Variants in ARL15 observed in about 807,000 individuals in gnomAD.
The protein encoded by ARL15 is ARF like GTPase 15.
A neutral mutation model predicts 25.2 loss-of-function variants in ARL15; 19 were observed. The ratio of observed to expected loss-of-function variants is 0.75; its 90% confidence interval spans 0.53 to 1.10. The LOEUF is 1.10. Among genes scored for constraint, ARL15 ranks in the 50% least tolerant of loss-of-function variants. ARL15 has a pLI of 0.00. For missense variants in ARL15, 220 were observed against 246.0 expected (o/e 0.89, Z 0.71); for synonymous variants, 94 against 86.8 (o/e 1.08, Z -0.46).
At position 54,005,486 on chromosome 5, in the gene ARL15, C is replaced by T. The variant is rs1249924857; in HGVS notation, c.462+107716G>A. On this transcript the variant is annotated intron_variant, in intron 4 of 4. Transcript: ENST00000504924. ...TCTGTAATCCCAGCACTTTGGGAGG[C>T]CAAGGCGGGTGGATCACCTGAGGTC... Among the ~76,000 whole-genome samples, 3 of 152,084 alleles carry T rather than the reference C, an allele frequency of 2.0e-5. No individual in the cohort carries two copies. In the East Asian group the frequency reaches 5.8e-4, roughly 29 times the overall value.
At chr5:53,963,888 T>C (rs1201247455) in intron 4 of ARL15, among the ~76,000 whole-genome samples, 1 of 151,862 alleles carries the variant, frequency 6.6e-6, no homozygotes, top group Admixed American at 6.6e-5. Flanking sequence ...TCTTTGATAA[T>C]TGATTGCCAC....
chr5:53,924,748 G>T (rs1429718884), intron 4 of ARL15, among the ~76,000 whole-genome samples: 1 of 152,198 alleles, frequency 6.6e-6, no homozygotes, highest in African/African-American at 2.4e-5. Flanking sequence ...GGTGCACAGG[G>T]ACTTTGGTTC....
At chr5:54,144,290 C>T (rs549064147) in intron 3 of ARL15, among the ~76,000 whole-genome samples, 2 of 152,014 alleles carry the variant, frequency 1.3e-5, no homozygotes, top group East Asian at 3.9e-4. Flanking sequence ...AAGAGAATTA[C>T]AGGGATGCTA....
chr5:53,964,511 C>G (rs755789999), intron 4 of ARL15, among the ~76,000 whole-genome samples: 18 of 152,104 alleles, frequency 1.2e-4, no homozygotes, highest in Non-Finnish European at 2.9e-5. Context: ...AGGCGCCCAC[C>G]ACCATGCCTG....
chr5:54,147,175 T>G (rs1054010785), intron 3 of ARL15, among the ~76,000 whole-genome samples: 2 of 152,176 alleles, frequency 1.3e-5, no homozygotes, highest in African/African-American at 4.8e-5. Flanking sequence ...AGCCAGGAGT[T>G]AACTGGCTGT....
chr5:53,891,905 C>T (rs1201325181), intron 4 of ARL15, among the ~76,000 whole-genome samples: 2 of 152,196 alleles, frequency 1.3e-5, no homozygotes, highest in Admixed American at 1.3e-4. Context: ...GACGGGGCTC[C>T]ACTGAAGACA....
intron 4 of ARL15, among the ~76,000 whole-genome samples, chr5:54,057,208 A>G (rs1750905246): frequency 6.6e-6 from 1 of 152,208 alleles, no homozygotes; most frequent in African/African-American, 2.4e-5. Context: ...AGATGTTTAT[A>G]AAATTAATCA....
chr5:53,947,175 TG>T (rs1561160950), intron 4 of ARL15, among the ~76,000 whole-genome samples: 1 of 63,484 alleles, frequency 1.6e-5, no homozygotes, highest in Non-Finnish European at 3.1e-5. Flanking sequence ...AGGGTGTGTG[TG>T]TGTGTGTGTG....
In ARL15 at chr5:54,071,109, G is replaced by A. The variant is rs557308664; in HGVS notation, c.462+42093C>T. Among the ~76,000 whole-genome samples, 52 of 151,818 alleles carry A rather than the reference G, an allele frequency of 3.4e-4. No homozygotes were observed. The South Asian group carries it at 0.011, about 31-fold the overall frequency. On this transcript the variant is annotated intron_variant, in intron 4 of 4. Coordinates refer to ENST00000504924, the MANE Select transcript of ARL15 (RefSeq NM_019087.3). ...CTCTTGAGGCAGGGAGGTCAGGGCT[G>A]CAGTGAGCCATGTTCGTGCCGCTGC... is the stretch of plus-strand genomic sequence containing the variant.
chr5:54,233,881 AC>A (rs1756735589), intron 1 of ARL15, among the ~76,000 whole-genome samples: 2 of 152,214 alleles, frequency 1.3e-5, no homozygotes, highest in Non-Finnish European at 2.9e-5. Context: ...CCCTCTATTA[AC>A]CCAGACATTA....
intron 4 of ARL15, among the ~76,000 whole-genome samples, chr5:54,018,441 A>C (rs980559416): frequency 2.0e-5 from 3 of 152,234 alleles, no homozygotes; most frequent in Non-Finnish European, 4.4e-5. Flanking sequence ...TTCTTCAGTC[A>C]GACTTAAGCC....
At chr5:54,281,059 A>G (rs561235401) in intron 1 of ARL15, among the ~76,000 whole-genome samples, 1 of 152,338 alleles carries the variant, frequency 6.6e-6, no homozygotes, top group African/African-American at 2.4e-5. Context: ...AAAAGTATAT[A>G]AAGTAAATAT....
intron 4 of ARL15, among the ~76,000 whole-genome samples, chr5:53,974,598 T>C (rs1375833548): frequency 6.6e-6 from 1 of 152,226 alleles, no homozygotes; most frequent in Admixed American, 6.5e-5. Context: ...GCCTATCTTC[T>C]TGTCTAACAT....
At chr5:53,975,324 T>C in intron 4 of ARL15, among the ~76,000 whole-genome samples, 1 of 152,228 alleles carries the variant, frequency 6.6e-6, no homozygotes, top group Non-Finnish European at 1.5e-5. Flanking sequence ...GGACTTGATT[T>C]GGTGACTGTC....
At chr5:53,907,584 G>A (rs1479175794) in intron 4 of ARL15, among the ~76,000 whole-genome samples, 2 of 135,288 alleles carry the variant, frequency 1.5e-5, no homozygotes, top group Admixed American at 8.2e-5. Context: ...TGCAAGCTCC[G>A]CCTCCTGGGT....
chr5:53,992,079 TGTATCAAGTTAACCTCC>T (rs888713009), intron 4 of ARL15, among the ~76,000 whole-genome samples: 2 of 152,208 alleles, frequency 1.3e-5, no homozygotes, highest in Admixed American at 1.3e-4. Context: ...GTACTTGCTT[TGTATCAAGTTAACCTCC>T]AAAAACCCAA....
At chr5:54,032,498 G>A (rs548172657) in intron 4 of ARL15, among the ~76,000 whole-genome samples, 5 of 152,134 alleles carry the variant, frequency 3.3e-5, no homozygotes, top group African/African-American at 1.2e-4. Context: ...GCCTCCCAAA[G>A]TGCTGGGATT....
intron 1 of ARL15, among the ~76,000 whole-genome samples, chr5:54,174,839 G>C (rs1054772450): frequency 1.3e-5 from 2 of 152,216 alleles, no homozygotes; most frequent in African/African-American, 4.8e-5. Flanking sequence ...GCTAGCAGCT[G>C]TTCAGACTTA....
intron 4 of ARL15, among the ~76,000 whole-genome samples, chr5:54,029,476 T>C (rs1023765687): frequency 2.0e-5 from 3 of 151,434 alleles, no homozygotes; most frequent in Non-Finnish European, 2.9e-5. Context: ...TCTCTAAAAA[T>C]ATGGTAGACA....
Sources: gnomAD v4.1 joint callset for allele counts (sites outside exome capture counted in the v4.1 genomes callset) on GRCh38, gnomAD v4.1.1 for gene constraint, MANE v1.5 for transcripts, NCBI Gene and HGNC (gene_info 2026-07-23, HGNC 2026-07-21) for gene names.